The following FAM170A variants were observed in gnomAD, a reference collection of about 807,000 sequenced individuals.
FAM170A encodes protein FAM170A.
A neutral mutation model predicts 36.6 loss-of-function variants in FAM170A; 28 were observed. The ratio of observed to expected loss-of-function variants is 0.76; its 90% confidence interval spans 0.57 to 1.05. FAM170A has a LOEUF of 1.05. Among genes scored for constraint, FAM170A ranks in the 50% least tolerant of loss-of-function variants. FAM170A has a pLI of 0.00. For missense variants in FAM170A, 434 were observed against 396.5 expected, an observed-to-expected ratio of 1.09 and a Z score of -0.80; for synonymous variants, 156 against 143.9, an observed-to-expected ratio of 1.08 and a Z score of -0.60.
At position 119,635,086 on chromosome 5, in the gene FAM170A, G is replaced by A. The variant is rs116438336; in HGVS notation, c.*52G>A. On this transcript the variant is annotated splice_region_variant and 3_prime_UTR_variant, in exon 4 of 5. Transcript: ENST00000613773. ...GATGGTGTGGCCTTCTCTTGCAAGA[G>A]GTAAGGAGTGAGACTTGCAGTTTTC... 1.3e-4 allele frequency: 204 copies of A among 1,601,260 alleles called. 2 individuals are homozygous for A. The African/African-American group carries it at 2.4e-3, about 18-fold the overall frequency.
intron 1 of FAM170A, among the ~76,000 whole-genome samples, chr5:119,632,453 C>G (rs1756273570): frequency 6.7e-6 from 1 of 149,128 alleles, no homozygotes; most frequent in Admixed American, 6.6e-5. Context: ...ACACATGTTT[C>G]TACAATATAC....
At chr5:119,629,624 T>C in exon 1 of FAM170A, 1 of 623,952 alleles carries the variant, frequency 1.6e-6, no homozygotes, top group South Asian at 1.8e-5. Context: ...GCGGTCTGAG[T>C]TCTTTAGCTA....
chr5:119,633,153 G>A (rs186103917), intron 2 of FAM170A, among the ~76,000 whole-genome samples: 3 of 152,240 alleles, frequency 2.0e-5, no homozygotes, highest in African/African-American at 4.8e-5. Context: ...CTATGGGTAT[G>A]TGACTCTTTG....
At chr5:119,632,777 C>A (rs756219422) in exon 2 of FAM170A, 4 of 1,609,188 alleles carry the variant, frequency 2.5e-6, no homozygotes, top group Non-Finnish European at 3.4e-6. Context: ...GGATGCCCTG[C>A]AGCCTGGATC....
exon 1 of FAM170A, chr5:119,629,796 T>G: frequency 1.2e-6 from 2 of 1,613,668 alleles, no homozygotes; most frequent in Non-Finnish European, 1.7e-6. Context: ...GAGGAAACAT[T>G]TGGAAAATGA....
intron 1 of FAM170A, among the ~76,000 whole-genome samples, chr5:119,631,164 A>T (rs1416366243): frequency 6.6e-6 from 1 of 152,198 alleles, no homozygotes; most frequent in Admixed American, 6.5e-5. Context: ...GGATGCTCAC[A>T]TGCAGGAGAC....
chr5:119,632,563 C>A (rs2126972557), intron 1 of FAM170A, among the ~76,000 whole-genome samples, 185 bp from the exon 2 acceptor site: 1 of 152,346 alleles, frequency 6.6e-6, no homozygotes, highest in East Asian at 1.9e-4. Flanking sequence ...CCTATTGATA[C>A]ACTATCAAAA....
At chr5:119,632,340 A>G (rs1370333478) in intron 1 of FAM170A, among the ~76,000 whole-genome samples, 1 of 152,220 alleles carries the variant, frequency 6.6e-6, no homozygotes, top group African/African-American at 2.4e-5. Context: ...GAATTAATGT[A>G]CATTATAAAT....
At chr5:119,634,610 AAGG>A (rs760430632) in exon 3 of FAM170A, 6 of 1,612,760 alleles carry the variant, frequency 3.7e-6, no homozygotes, top group Middle Eastern at 1.6e-4. Context: ...TGGAAATGAG[AAGG>A]AGGAGGAAGA....
At chr5:119,633,521 C>T (rs1224240048) in intron 2 of FAM170A, among the ~76,000 whole-genome samples, 1 of 152,066 alleles carries the variant, frequency 6.6e-6, no homozygotes, top group African/African-American at 2.4e-5. Context: ...TCCAGCACTG[C>T]AGCGGGACTC....
chr5:119,630,321 ATTT>A (rs10603530), intron 1 of FAM170A, among the ~76,000 whole-genome samples: 7,531 of 117,660 alleles, frequency 0.064, 424 homozygotes, highest in African/African-American at 0.19. Flanking sequence ...CGCCTGGCTA[ATTT>A]TTTTTTTTTT....
exon 3 of FAM170A, chr5:119,634,731 G>A (rs1188928431): frequency 6.5e-7 from 1 of 1,534,148 alleles, no homozygotes; most frequent in Admixed American, 2.1e-5. Context: ...CCAAAGGACA[G>A]GAAGTGAGCA....
intron 1 of FAM170A, 57 bp from the exon 2 acceptor site, chr5:119,632,691 A>G: frequency 1.4e-6 from 2 of 1,450,990 alleles, no homozygotes; most frequent in Non-Finnish European, 1.9e-6. Context: ...TGGATGGTAA[A>G]TGATGCACAA....
At position 119,629,832 on chromosome 5, in the gene FAM170A, G is replaced by A. The variant is rs1270846870; in HGVS notation, c.64G>A (p.Gly22Arg). The change falls in exon 1 of 5, where the codon GGA (glycine) becomes AGA (arginine). Residue 22 changes from glycine to arginine, a missense_variant. Physicochemically the swap from Gly to Arg is moderately radical, Grantham distance 125. Coordinates refer to ENST00000613773, the Ensembl canonical transcript of FAM170A. Reference sequence around the variant, plus strand: ...AGAGTCCCAGGAAACCGCTGAGAAGGGAGGAGGTATGTGCGGGGCAAACTT... The same window carrying A: ...AGAGTCCCAGGAAACCGCTGAGAAGAGAGGAGGTATGTGCGGGGCAAACTT... The A allele has an allele frequency of 6.2e-7, 1 of 1,613,268 alleles. No individual in the cohort carries two copies. The highest frequency in any genetic ancestry group is 1.7e-5 in the Admixed American group (1 of 60,014).
chr5:119,631,965 C>A (rs1055090729), intron 1 of FAM170A, among the ~76,000 whole-genome samples: 2 of 152,144 alleles, frequency 1.3e-5, no homozygotes, highest in African/African-American at 4.8e-5. Context: ...ATCAGATAAA[C>A]CACCAATGAT....
exon 3 of FAM170A, chr5:119,634,101 G>A (rs1756318577): frequency 6.2e-7 from 1 of 1,613,958 alleles, no homozygotes; most frequent in African/African-American, 1.3e-5. Flanking sequence ...TCCTCTCTGT[G>A]TGTAAACAAA....
intron 1 of FAM170A, among the ~76,000 whole-genome samples, chr5:119,632,072 A>T (rs1287875623): frequency 6.6e-6 from 1 of 152,166 alleles, no homozygotes; most frequent in Non-Finnish European, 1.5e-5. Flanking sequence ...CGCTAAAAAA[A>T]TTATTTGTAA....
At chr5:119,629,996 A>G (rs1323167898) in intron 1 of FAM170A, among the ~76,000 whole-genome samples, 158 bp downstream of exon 1, 1 of 151,436 alleles carries the variant, frequency 6.6e-6, no homozygotes, top group African/African-American at 2.4e-5. Context: ...GGTTCACGCC[A>G]TTCTCCTGCC....
intron 1 of FAM170A, among the ~76,000 whole-genome samples, chr5:119,630,911 G>A (rs1349154773): frequency 3.9e-5 from 6 of 152,182 alleles, no homozygotes; most frequent in African/African-American, 7.2e-5. Flanking sequence ...GAAGTGAAAT[G>A]CTTGTTAGAA....
Sources: gnomAD v4.1 joint callset for allele counts (sites outside exome capture counted in the v4.1 genomes callset) on GRCh38, gnomAD v4.1.1 for gene constraint, MANE v1.5 for transcripts, NCBI Gene and HGNC (gene_info 2026-07-23, HGNC 2026-07-21) for gene names.